Variants in PSG1 observed in about 807,000 individuals in gnomAD.
PSG1 encodes pregnancy specific beta-1-glycoprotein 1, also known as pregnancy-specific beta-1-glycoprotein 1.
Under a neutral mutation model 41.4 loss-of-function variants are expected in PSG1, and 60 were observed. The observed-to-expected ratio is 1.45, with a 90% confidence interval of 1.18 to 1.80. PSG1 has a LOEUF of 1.80. Ranked by LOEUF, PSG1 falls within the 40% of genes most tolerant of loss-of-function variation. PSG1 has a pLI of 0.00. For synonymous variants in PSG1, 256 were observed against 192.9 expected (o/e 1.33, Z -2.71); for missense variants, 806 against 516.9 (o/e 1.56, Z -5.42).
intron 3 of PSG1, 157 bp from the exon 4 acceptor site, chr19:42,869,191 C>T: frequency 6.8e-7 from 1 of 1,464,568 alleles, no homozygotes; most frequent in Non-Finnish European, 9.1e-7. Flanking sequence ...GCATGATGAT[C>T]TAAGGGCTCA....
intron 2 of PSG1, among the ~76,000 whole-genome samples, chr19:42,877,126 G>A (rs1971641745): frequency 6.6e-6 from 1 of 151,684 alleles, no homozygotes; most frequent in South Asian, 2.1e-4. Context: ...CACACAAACA[G>A]CATTTATTAT....
intron 3 of PSG1, chr19:42,869,342 T>C (rs1423244585): frequency 1.9e-6 from 1 of 515,100 alleles, no homozygotes; most frequent in Admixed American, 3.7e-5. Context: ...CCCTAATCAG[T>C]TGACTGGCTG....
chr19:42,875,616 T>C (rs1316035458), intron 2 of PSG1, among the ~76,000 whole-genome samples: 1 of 151,402 alleles, frequency 6.6e-6, no homozygotes, highest in Non-Finnish European at 1.5e-5. Context: ...CCTGCCCCCA[T>C]GATTCCATCA....
intron 1 of PSG1, among the ~76,000 whole-genome samples, chr19:42,878,655 C>T (rs938077713): frequency 8.1e-5 from 12 of 147,956 alleles, no homozygotes; most frequent in African/African-American, 3.1e-4. Flanking sequence ...TTCAGAGACC[C>T]TGGGTCTTCC....
intron 5 of PSG1, 178 bp from the exon 6 acceptor site, chr19:42,867,328 G>A: frequency 3.2e-6 from 2 of 632,806 alleles, no homozygotes; most frequent in South Asian, 1.9e-5. Flanking sequence ...TTCAAATGTG[G>A]TCTGATTGTT....
In PSG1 at chr19:42,873,498, T is replaced by A. The variant is rs1226403234; in HGVS notation, c.431-1453A>T. 6.6e-5 allele frequency among the ~76,000 whole-genome samples: 10 copies of A among 151,704 alleles called. 1 individual carries two copies. Among genetic ancestry groups the A allele is most frequent in the Non-Finnish European group, 1.3e-4 (9 of 67,890 alleles). Reference sequence around the variant, plus strand: ...ATTCTGACTCTAGTAACAAAAAAAATTTGGAGGAAACATTAAAATGTTTTC... The same window carrying A: ...ATTCTGACTCTAGTAACAAAAAAAAATTGGAGGAAACATTAAAATGTTTTC... On this transcript the variant is annotated intron_variant, in intron 2 of 5. Coordinates refer to ENST00000436291, the MANE Select transcript of PSG1 (RefSeq NM_001184825.2).
chr19:42,877,477 G>T (rs1286099111), intron 2 of PSG1, among the ~76,000 whole-genome samples: 1 of 151,634 alleles, frequency 6.6e-6, no homozygotes, highest in East Asian at 1.9e-4. Context: ...CCCAGCACAG[G>T]CTCCTCAGCT....
In PSG1 at chr19:42,879,518, C is replaced by T. The variant is rs1313298903; in HGVS notation, c.64G>A (p.Ala22Thr). The T allele has an allele frequency of 2.5e-6, 4 of 1,610,012 alleles. No homozygotes were observed. Among genetic ancestry groups the T allele is most frequent in the Admixed American group, 3.3e-5 (2 of 59,792 alleles). The change falls in exon 1 of 6, where the codon GCA becomes ACA. Residue 22 changes from alanine (A) to threonine (T), a missense_variant and splice_region_variant. Physicochemically the swap from Ala to Thr is moderately conservative, Grantham distance 58. Transcript: ENST00000436291. Reference protein sequence around the residue: ...RIKWKGLLLTASLLNFWNLPT... With the variant: ...RIKWKGLLLTTSLLNFWNLPT... ...CTCTCCCAGGAAGTTCTCTCCTCAC[C>T]TGTGAGCAGGAGCCCCTTCCATTTG...
rs1971475054 is a variant in PSG1, at chr19:42,873,405, C to T, written c.431-1360G>A. Among the ~76,000 whole-genome samples, 2 of 151,466 alleles carry T rather than the reference C, an allele frequency of 1.3e-5. 1 individual carries two copies. The highest frequency in any genetic ancestry group is 2.9e-5 in the Non-Finnish European group (2 of 67,888). On this transcript the variant is annotated intron_variant, in intron 2 of 5. Transcript: ENST00000436291. ...TTTCAGATTGTGGATTTCTGGATTT[C>T]CGATGCTCAATTTGTAACAGTGTAA...
intron 3 of PSG1, 49 bp downstream of exon 3, chr19:42,871,718 G>T (rs28579274): frequency 0.14 from 220,155 of 1,611,738 alleles, 23,774 homozygotes; most frequent in East Asian, 0.41. Context: ...CTCTGGCCAC[G>T]TGTATTTGGG....
At position 42,879,644 on chromosome 19, in the gene PSG1, G is replaced by A. The variant is rs1294774263; in HGVS notation, c.-63C>T. ...AGCCTAGGATCCAGAAACTCTCTGAGCACGGCTGTCAGCTGTGCTGTCCTT... is the reference window on the plus strand; with the variant it reads ...AGCCTAGGATCCAGAAACTCTCTGAACACGGCTGTCAGCTGTGCTGTCCTT... On this transcript the variant is annotated 5_prime_UTR_variant, in exon 1 of 6. Coordinates refer to ENST00000436291, the MANE Select transcript of PSG1 (RefSeq NM_001184825.2). The A allele has an allele frequency of 7.5e-6, 12 of 1,595,160 alleles. No individual in the cohort carries two copies. Among genetic ancestry groups the A allele is most frequent in the Non-Finnish European group, 9.4e-6 (11 of 1,167,800 alleles).
Position 42,868,963 on chromosome 19 carries a change from T to A in PSG1, c.781A>T (p.Thr261Ser). ...PRENKDVLNF[T>S]CEPKSENYTY... ...TAGTTCTCACTCTTAGGTTCACAGG[T>A]GAAGTTTAAGACATCCTTATTCTCC... The change falls in exon 4 of 6, where the codon ACC (threonine) becomes TCC (serine). Residue 261 changes from threonine to serine, a missense_variant. Coordinates refer to ENST00000436291, the MANE Select transcript of PSG1 (RefSeq NM_001184825.2). The A allele has an allele frequency of 1.9e-6, 3 of 1,610,588 alleles. No homozygotes were observed. Among genetic ancestry groups the A allele is most frequent in the Non-Finnish European group, 2.5e-6 (3 of 1,179,054 alleles).
At chr19:42,871,486 T>A (rs1336497523) in intron 3 of PSG1, among the ~76,000 whole-genome samples, 1 of 151,666 alleles carries the variant, frequency 6.6e-6, no homozygotes, top group Non-Finnish European at 1.5e-5. Flanking sequence ...CCCAGCCAAA[T>A]CCCCACTGTG....
At chr19:42,876,122 G>GT (rs1303074930) in intron 2 of PSG1, among the ~76,000 whole-genome samples, 2 of 151,468 alleles carry the variant, frequency 1.3e-5, no homozygotes, top group African/African-American at 4.9e-5. Flanking sequence ...AGAGTGGTTA[G>GT]AGGGAGTGTC....
At chr19:42,874,647 G>A (rs533982674) in intron 2 of PSG1, among the ~76,000 whole-genome samples, 1 of 151,838 alleles carries the variant, frequency 6.6e-6, no homozygotes, top group Non-Finnish European at 1.5e-5. Context: ...AGCCGTCTCT[G>A]AGGGAGTTTA....
At position 42,877,899 on chromosome 19, in the gene PSG1, G is replaced by A; in HGVS notation, c.430+14C>T. ...CTGTCCCCCAACACCCAGGGATCATGTGGAATCACTTACGGTGTAAGGTGA... is the reference window on the plus strand; with the variant it reads ...CTGTCCCCCAACACCCAGGGATCATATGGAATCACTTACGGTGTAAGGTGA... On this transcript the variant is annotated intron_variant, in intron 2 of 5. Transcript: ENST00000436291. 1 of 1,612,032 alleles carries A rather than the reference G, an allele frequency of 6.2e-7. No homozygotes were observed. Among genetic ancestry groups the A allele is most frequent in the Non-Finnish European group, 8.5e-7 (1 of 1,178,884 alleles).
chr19:42,876,482 G>C (rs906489700), intron 2 of PSG1, among the ~76,000 whole-genome samples: 9 of 151,446 alleles, frequency 5.9e-5, no homozygotes, highest in African/African-American at 2.2e-4. Flanking sequence ...CTGCATCCAA[G>C]ATCCAATCTC....
Position 42,879,679 on chromosome 19 carries a change from G to T in PSG1, c.-98C>A, listed in dbSNP as rs557863493. On this transcript the variant is annotated 5_prime_UTR_variant, in exon 1 of 6. Coordinates refer to ENST00000436291, the MANE Select transcript of PSG1 (RefSeq NM_001184825.2). ...CAGCTGTGCTGTCCTTCCTCTTTCTGTGCTGAGCCTCTTCCCAGGGCAGGA... is the reference window on the plus strand; with the variant it reads ...CAGCTGTGCTGTCCTTCCTCTTTCTTTGCTGAGCCTCTTCCCAGGGCAGGA... The T allele has an allele frequency of 5.2e-5, 79 of 1,529,528 alleles. 3 individuals are homozygous for T. The African/African-American group carries it at 1.0e-3, about 20-fold the overall frequency. The allele number at this position is 1,529,528 out of a possible 1,614,324, so 94.7% of individuals were successfully genotyped here. A position where few individuals can be genotyped will look rare whatever the true frequency, so the allele number is the denominator to read the frequency against.
intron 2 of PSG1, among the ~76,000 whole-genome samples, chr19:42,875,824 G>T (rs867378083): frequency 0.036 from 4,598 of 128,944 alleles, 298 homozygotes; most frequent in African/African-American, 0.12. Context: ...TTATTTATTT[G>T]TTTTTTTTTT....
Sources: allele counts gnomAD v4.1 joint callset (sites outside exome capture counted in the v4.1 genomes callset), GRCh38; gene constraint gnomAD v4.1.1; transcripts MANE v1.5; gene names NCBI Gene and HGNC (gene_info 2026-07-23, HGNC 2026-07-21).